Variants in INO80 observed in about 807,000 individuals in gnomAD.
INO80 encodes chromatin-remodeling ATPase INO80.
INO80 carries 20 observed loss-of-function variants against 203.4 expected under a neutral mutation model. The observed-to-expected ratio is 0.10, with a 90% CI of 0.07 to 0.14. INO80 has a LOEUF of 0.14. Among genes scored for constraint, INO80 ranks in the 10% least tolerant of loss-of-function variants. INO80 has a pLI of 1.00. For synonymous variants in INO80, 726 were observed against 685.2 expected (o/e 1.06, Z -0.93); for missense variants, 1,419 against 1,914.4 (o/e 0.74, Z 4.83).
rs764174971 is a variant in INO80, at chr15:41,092,012, T to A, written c.537+15A>T. ...GTGAATATTCAGTTTGAAGTGTTTCTCCTGAAACTCTTACCTCCTTGTCTT... is the reference window on the plus strand; with the variant it reads ...GTGAATATTCAGTTTGAAGTGTTTCACCTGAAACTCTTACCTCCTTGTCTT... On this transcript the variant is annotated intron_variant, in intron 5 of 35. Coordinates refer to ENST00000648947, the MANE Select transcript of INO80 (RefSeq NM_017553.3). 1 of 1,584,298 alleles carries A rather than the reference T, an allele frequency of 6.3e-7. No individual in the cohort carries two copies. Among genetic ancestry groups the A allele is most frequent in the South Asian group, 1.1e-5 (1 of 89,772 alleles).
chr15:41,071,476 T>C (rs1378439252), intron 12 of INO80, among the ~76,000 whole-genome samples: 6 of 131,526 alleles, frequency 4.6e-5, no homozygotes, highest in Admixed American at 2.4e-4. Context: ...TTTTTTGAGA[T>C]AGAGTTTTGC....
chr15:41,023,597 C>T (rs1490495231), intron 25 of INO80, among the ~76,000 whole-genome samples: 49 of 151,400 alleles, frequency 3.2e-4, no homozygotes, highest in Admixed American at 3.2e-3. Context: ...GGTGAAACCC[C>T]GTCTCTACTA....
chr15:41,013,063 C>T (rs898487453), intron 27 of INO80: 7 of 118,992 alleles, frequency 5.9e-5, no homozygotes, highest in African/African-American at 2.2e-4. Context: ...CCAGCCATGG[C>T]TAAGGCACAT....
intron 24 of INO80, among the ~76,000 whole-genome samples, chr15:41,037,490 C>CA (rs2044597503): frequency 1.3e-5 from 2 of 151,482 alleles, no homozygotes; most frequent in South Asian, 4.2e-4. Context: ...GGCAATAGAG[C>CA]AAGACTCCAT....
chr15:41,096,739 G>T (rs2045730428), intron 1 of INO80, among the ~76,000 whole-genome samples: 1 of 152,118 alleles, frequency 6.6e-6, no homozygotes, highest in Admixed American at 6.6e-5. Context: ...CCTCAGAAAG[G>T]AAAGTACTAG....
At chr15:40,998,834 G>T (rs573594927) in intron 28 of INO80, among the ~76,000 whole-genome samples, 6 of 151,938 alleles carry the variant, frequency 3.9e-5, no homozygotes, top group African/African-American at 1.2e-4. Context: ...GCTAATTTTT[G>T]TATTTTTAGT....
At chr15:41,023,744 G>A (rs1480666973) in intron 25 of INO80, among the ~76,000 whole-genome samples, 7 of 140,850 alleles carry the variant, frequency 5.0e-5, no homozygotes, top group Admixed American at 2.9e-4. Context: ...ACTCCAGCCT[G>A]GGTGACAGAG....
At chr15:41,073,376 G>A in intron 11 of INO80, 52 bp downstream of exon 11, 1 of 1,414,670 alleles carries the variant, frequency 7.1e-7, no homozygotes, top group South Asian at 1.1e-5. Context: ...GTAAAGGCTT[G>A]TGGGGTATTT....
At chr15:40,983,283 A>C in intron 34 of INO80, 1 of 557,040 alleles carries the variant, frequency 1.8e-6, no homozygotes, top group Non-Finnish European at 3.2e-6. Flanking sequence ...AAACATCCTA[A>C]CTCCTCAAGC....
intron 15 of INO80, 91 bp from the exon 16 acceptor site, chr15:41,058,872 G>GT: frequency 1.7e-6 from 2 of 1,201,026 alleles, no homozygotes; most frequent in Non-Finnish European, 2.4e-6. Context: ...GGGCCAAAAT[G>GT]TTTAAGACAG....
chr15:41,046,208 T>C (rs1202914594), intron 23 of INO80, among the ~76,000 whole-genome samples: 1 of 2,226 alleles, frequency 4.5e-4, no homozygotes, highest in Non-Finnish European at 9.9e-4. Flanking sequence ...TATACATACA[T>C]ATATATATAT....
intron 4 of INO80, among the ~76,000 whole-genome samples, chr15:41,093,351 G>A (rs1338432282): frequency 6.6e-6 from 1 of 152,124 alleles, no homozygotes; most frequent in Non-Finnish European, 1.5e-5. Context: ...CTTGAACCCA[G>A]GAGGGAGAGG....
intron 28 of INO80, among the ~76,000 whole-genome samples, chr15:41,000,592 G>A (rs534451585): frequency 4.0e-5 from 6 of 151,598 alleles, no homozygotes; most frequent in Admixed American, 3.3e-4. Flanking sequence ...CTACTTGGGA[G>A]GCTGAGGTAG....
chr15:41,019,962 C>G (rs2044265740), intron 26 of INO80, among the ~76,000 whole-genome samples: 1 of 152,234 alleles, frequency 6.6e-6, no homozygotes, highest in South Asian at 2.1e-4. Context: ...TGGCTCACGC[C>G]TGTAATCCCA....
At chr15:41,101,218 A>T (rs2045803246) in intron 1 of INO80, among the ~76,000 whole-genome samples, 1 of 152,120 alleles carries the variant, frequency 6.6e-6, no homozygotes, top group Non-Finnish European at 1.5e-5. Flanking sequence ...TGCTGCAATA[A>T]CCACTTTCAT....
chr15:41,049,528 C>T lies in INO80; in HGVS notation c.2443-108G>A, dbSNP rs1243217319. On this transcript the variant is annotated intron_variant, in intron 20 of 35. Transcript: ENST00000648947. ...TTACCTTTGGGAATGGATACTTTCC[C>T]ATTTTCATCTCATTAATAGCCTTTG... The T allele has an allele frequency of 5.0e-6, 5 of 993,586 alleles. No homozygotes were observed. In the East Asian group the frequency reaches 1.2e-4, roughly 24 times the overall value. 61.5% of individuals were successfully genotyped at this position (993,586 alleles called of 1,614,324 possible). A position where few individuals can be genotyped will look rare whatever the true frequency, so the allele number is the denominator to read the frequency against.
At chr15:40,992,822 T>C (rs935044172) in intron 29 of INO80, among the ~76,000 whole-genome samples, 4 of 152,182 alleles carry the variant, frequency 2.6e-5, no homozygotes, top group African/African-American at 9.7e-5. Flanking sequence ...AGGCAGGAGC[T>C]CTCTGTGTTG....
At position 41,080,915 on chromosome 15, in the gene INO80, C is replaced by G. The variant is rs1368315444; in HGVS notation, c.927+105G>C. On this transcript the variant is annotated intron_variant, in intron 8 of 35. Transcript: ENST00000648947. Reference sequence around the variant, plus strand: ...AAACTCTCTTACGAACTATTAGATTCATGATCAACAGGTTACGACGGACAA... The same window carrying G: ...AAACTCTCTTACGAACTATTAGATTGATGATCAACAGGTTACGACGGACAA... 1.1e-5 allele frequency: 8 copies of G among 740,416 alleles called. No homozygotes were observed. The Admixed American group carries it at 1.1e-4, about 10-fold the overall frequency. 45.9% of individuals were successfully genotyped at this position (740,416 alleles called of 1,614,324 possible). A position where few individuals can be genotyped will look rare whatever the true frequency, so the allele number is the denominator to read the frequency against.
intron 9 of INO80, among the ~76,000 whole-genome samples, chr15:41,078,446 CTGAGT>C (rs1395049250): frequency 1.3e-5 from 2 of 151,730 alleles, no homozygotes; most frequent in African/African-American, 2.4e-5. Context: ...TTTAAATTCT[CTGAGT>C]TAAGAATTCC....
Sources: allele counts gnomAD v4.1 joint callset (sites outside exome capture counted in the v4.1 genomes callset), GRCh38; gene constraint gnomAD v4.1.1; transcripts MANE v1.5; gene names NCBI Gene and HGNC (gene_info 2026-07-23, HGNC 2026-07-21).